The following MCPH1 variants were observed in gnomAD, a reference collection of about 807,000 sequenced individuals.
MCPH1 encodes microcephalin.
A neutral mutation model predicts 84.5 loss-of-function variants in MCPH1; 104 were observed. The observed-to-expected ratio is 1.23, with a 90% CI of 1.05 to 1.45. MCPH1 has a LOEUF of 1.45. Among genes scored for constraint, MCPH1 ranks in the 40% most tolerant of loss-of-function variants. The pLI is 0.00. For missense variants in MCPH1, 1,498 were observed against 1,005.7 expected, an observed-to-expected ratio of 1.49 and a Z score of -6.62; for synonymous variants, 514 against 366.8, an observed-to-expected ratio of 1.40 and a Z score of -4.58.
chr8:6,629,966 C>T (rs1044276316), intron 13 of MCPH1, among the ~76,000 whole-genome samples: 2 of 152,156 alleles, frequency 1.3e-5, no homozygotes, highest in Admixed American at 1.3e-4. Context: ...TCAGACTGTA[C>T]CACAGAACCT....
intron 12 of MCPH1, among the ~76,000 whole-genome samples, chr8:6,608,353 A>AT (rs1392021115): frequency 3.9e-5 from 6 of 152,212 alleles, no homozygotes; most frequent in Admixed American, 3.9e-4. Flanking sequence ...TGCGTTGAGA[A>AT]TTGTAGCACT....
At position 6,617,925 on chromosome 8, in the gene MCPH1, A is replaced by G. The variant is rs1260343757; in HGVS notation, c.2215-3529A>G. 2.6e-5 allele frequency among the ~76,000 whole-genome samples: 4 copies of G among 151,378 alleles called. 1 individual carries two copies. In the South Asian group the frequency reaches 8.4e-4, roughly 32 times the overall value. On this transcript the variant is annotated intron_variant, in intron 12 of 13. Transcript: ENST00000344683. ...AATCTATCTATCTATCTATCTATCTATCTATCTATCTATCTATCTTTCTAT... is the reference window on the plus strand; with the variant it reads ...AATCTATCTATCTATCTATCTATCTGTCTATCTATCTATCTATCTTTCTAT...
intron 12 of MCPH1, among the ~76,000 whole-genome samples, chr8:6,565,826 G>A (rs1227697690): frequency 1.3e-5 from 2 of 152,166 alleles, no homozygotes; most frequent in East Asian, 1.9e-4. Context: ...TGATGCTTCC[G>A]GGTGCACAAT....
chr8:6,439,138 G>A (rs370170023), intron 6 of MCPH1, 42 bp downstream of exon 6: 54 of 1,582,228 alleles, frequency 3.4e-5, no homozygotes, highest in African/African-American at 2.0e-4. Flanking sequence ...GCAAATAGCC[G>A]ATTCAATTAT....
chr8:6,538,659 C>G (rs1244818558), intron 12 of MCPH1, among the ~76,000 whole-genome samples: 1 of 152,316 alleles, frequency 6.6e-6, no homozygotes, highest in East Asian at 1.9e-4. Context: ...ATTGCATGCC[C>G]TAAGCAAAGA....
intron 8 of MCPH1, among the ~76,000 whole-genome samples, chr8:6,450,179 T>G (rs1278791898): frequency 6.6e-6 from 1 of 152,132 alleles, no homozygotes; most frequent in Non-Finnish European, 1.5e-5. Context: ...TTGTTGGAGG[T>G]CAATGATGGT....
chr8:6,442,532 G>A (rs1044767361), intron 7 of MCPH1, among the ~76,000 whole-genome samples: 27 of 152,186 alleles, frequency 1.8e-4, no homozygotes, highest in Non-Finnish European at 3.1e-4. Context: ...ATTGAACGGG[G>A]TCAGTGAAGT....
At position 6,481,792 on chromosome 8, in the gene MCPH1, C is replaced by T. The variant is rs1470456350; in HGVS notation, c.2136+916C>T. On this transcript the variant is annotated intron_variant, in intron 11 of 13. Coordinates refer to ENST00000344683, the MANE Select transcript of MCPH1 (RefSeq NM_024596.5). ...TGCATTGGTGGCAATGGGGGATCAC[C>T]TTACCTGATTATATATTAGTACTGC... is the stretch of plus-strand genomic sequence containing the variant. Among the ~76,000 whole-genome samples, 6 of 152,318 alleles carry T rather than the reference C, an allele frequency of 3.9e-5. No individual in the cohort carries two copies. In the East Asian group the frequency reaches 1.2e-3, roughly 29 times the overall value.
intron 9 of MCPH1, among the ~76,000 whole-genome samples, chr8:6,455,559 C>T (rs1332425080): frequency 2.0e-5 from 3 of 152,128 alleles, no homozygotes; most frequent in Non-Finnish European, 4.4e-5. Flanking sequence ...ATTTTATAAT[C>T]GGAATAAATA....
intron 12 of MCPH1, among the ~76,000 whole-genome samples, chr8:6,586,721 C>A (rs1461209382): frequency 6.6e-6 from 1 of 152,212 alleles, no homozygotes; most frequent in South Asian, 2.1e-4. Flanking sequence ...GAGCTTCAAG[C>A]CATTCATTTC....
At chr8:6,419,128 T>TACACACACAC (rs59016342) in intron 3 of MCPH1, among the ~76,000 whole-genome samples, 1 of 144,520 alleles carries the variant, frequency 6.9e-6, no homozygotes, top group African/African-American at 2.7e-5. Context: ...TATATACACA[T>TACACACACAC]ACACACACAC....
At chr8:6,635,701 A>G (rs929663116) in intron 13 of MCPH1, among the ~76,000 whole-genome samples, 1 of 152,206 alleles carries the variant, frequency 6.6e-6, no homozygotes, top group Non-Finnish European at 1.5e-5. Flanking sequence ...AGTGGTGCAG[A>G]TACCATTAAA....
rs557729557 is a variant in MCPH1, at chr8:6,625,259, T to C, written c.2452+3568T>C. The C allele has an allele frequency of 1.3e-5, 13 of 985,416 alleles. No homozygotes were observed. In the East Asian group the frequency reaches 4.5e-4, roughly 34 times the overall value. 61.0% of individuals were successfully genotyped at this position (985,416 alleles called of 1,614,324 possible). A position where few individuals can be genotyped will look rare whatever the true frequency, so the allele number is the denominator to read the frequency against. On this transcript the variant is annotated intron_variant, in intron 13 of 13. Coordinates refer to ENST00000344683, the MANE Select transcript of MCPH1 (RefSeq NM_024596.5). ...CCACCTTGCTTACCCCACATGCTGGTTAAAGGAGGAAACACAGAGAGCGCA... is the reference window on the plus strand; with the variant it reads ...CCACCTTGCTTACCCCACATGCTGGCTAAAGGAGGAAACACAGAGAGCGCA...
chr8:6,530,064 A>AAAATATAAG (rs1336921683), intron 12 of MCPH1, among the ~76,000 whole-genome samples: 2 of 152,066 alleles, frequency 1.3e-5, no homozygotes, highest in Non-Finnish European at 2.9e-5. Context: ...CTATTATTTT[A>AAAATATAAG]AAATATAAGA....
At chr8:6,445,684 A>G in intron 8 of MCPH1, 137 bp downstream of exon 8, 1 of 1,440,796 alleles carries the variant, frequency 6.9e-7, no homozygotes, top group African/African-American at 1.4e-5. Context: ...TGTGCATTTG[A>G]TCATTCCAAT....
intron 11 of MCPH1, among the ~76,000 whole-genome samples, chr8:6,492,098 G>A (rs1298082736): frequency 6.6e-6 from 1 of 152,206 alleles, no homozygotes; most frequent in Admixed American, 6.5e-5. Flanking sequence ...CACTAGCAAT[G>A]TAAAAGTGTT....
At chr8:6,624,539 G>T (rs964894100) in intron 13 of MCPH1, among the ~76,000 whole-genome samples, 5 of 152,296 alleles carry the variant, frequency 3.3e-5, no homozygotes, top group Admixed American at 1.3e-4. Context: ...TTATTGGCTT[G>T]TATTTTTCTC....
intron 2 of MCPH1, 84 bp from the exon 3 acceptor site, chr8:6,414,681 C>A: frequency 6.9e-7 from 1 of 1,457,448 alleles, no homozygotes; most frequent in Non-Finnish European, 9.4e-7. Context: ...AACAGAATTG[C>A]TGGGGTAGAG....
chr8:6,483,304 T>A (rs998434806), intron 11 of MCPH1, among the ~76,000 whole-genome samples: 1 of 152,240 alleles, frequency 6.6e-6, no homozygotes, highest in Admixed American at 6.5e-5. Context: ...GTGGACTCTT[T>A]CAAGATACAG....
Sources: gnomAD v4.1 joint callset for allele counts (sites outside exome capture counted in the v4.1 genomes callset) on GRCh38, gnomAD v4.1.1 for gene constraint, MANE v1.5 for transcripts, NCBI Gene and HGNC (gene_info 2026-07-23, HGNC 2026-07-21) for gene names.